NBEA: variants seen among roughly 807,000 people sequenced by gnomAD.
NBEA encodes the protein lysosomal-trafficking regulator 2.
A neutral mutation model predicts 343.4 loss-of-function variants in NBEA; 44 were observed. The observed-to-expected ratio is 0.13, with a 90% CI of 0.10 to 0.16. The LOEUF is 0.16. Ranked by LOEUF, NBEA falls within the 10% of genes least tolerant of loss-of-function variation. The pLI is 1.00. For synonymous variants in NBEA, 1,175 were observed against 1,238.7 expected (o/e 0.95, Z 1.08); for missense variants, 2,555 against 3,631.3 (o/e 0.70, Z 7.62).
intron 40 of NBEA, among the ~76,000 whole-genome samples, chr13:35,463,421 G>A (rs1027630084): frequency 3.0e-4 from 46 of 152,044 alleles, no homozygotes; most frequent in African/African-American, 1.0e-3. Context: ...TCAGGAGTTC[G>A]AGATCAGCCT....
intron 38 of NBEA, among the ~76,000 whole-genome samples, chr13:35,401,580 A>T (rs2043004158): frequency 7.9e-5 from 12 of 152,036 alleles, no homozygotes; most frequent in Admixed American, 7.9e-4. Flanking sequence ...AACATTTGTT[A>T]CACCCTCTGT....
intron 41 of NBEA, among the ~76,000 whole-genome samples, chr13:35,509,302 G>A (rs1455456847): frequency 6.6e-6 from 1 of 152,138 alleles, no homozygotes; most frequent in East Asian, 1.9e-4. Flanking sequence ...TATAGATCCT[G>A]GGCAGGGAAG....
intron 10 of NBEA, among the ~76,000 whole-genome samples, chr13:35,076,188 C>T (rs946478774): frequency 5.3e-5 from 8 of 151,584 alleles, no homozygotes; most frequent in East Asian, 1.9e-4. Flanking sequence ...TTAGGTTTTT[C>T]GGAAAGAATA....
At chr13:35,534,221 A>G (rs1244447123) in intron 41 of NBEA, among the ~76,000 whole-genome samples, 1 of 152,158 alleles carries the variant, frequency 6.6e-6, no homozygotes, top group Non-Finnish European at 1.5e-5. Flanking sequence ...TAGCCACTGG[A>G]GCCAGAAACC....
intron 2 of NBEA, among the ~76,000 whole-genome samples, chr13:35,042,808 G>T (rs2062703836): frequency 1.3e-5 from 2 of 151,710 alleles, no homozygotes; most frequent in Admixed American, 1.3e-4. Context: ...TTTTAATAGA[G>T]AAATTAAACT....
At chr13:35,545,478 TAATCACATGTATCTGA>T (rs2079023343) in intron 41 of NBEA, among the ~76,000 whole-genome samples, 2 of 152,340 alleles carry the variant, frequency 1.3e-5, no homozygotes, top group South Asian at 4.1e-4. Flanking sequence ...GAAGCCACAG[TAATCACATGTATCTGA>T]GTACCAGTGT....
chr13:35,065,133 C>T (rs1282346216), intron 8 of NBEA, among the ~76,000 whole-genome samples: 3 of 151,494 alleles, frequency 2.0e-5, no homozygotes, highest in Non-Finnish European at 2.9e-5. Flanking sequence ...TAGTAGATTC[C>T]TCAGGAAGAG....
chr13:35,336,567 T>G (rs538064980), intron 36 of NBEA, among the ~76,000 whole-genome samples: 9 of 144,038 alleles, frequency 6.2e-5, no homozygotes, highest in Non-Finnish European at 1.2e-4. Flanking sequence ...TTAAGACACA[T>G]GCATGCAAAT....
intron 36 of NBEA, among the ~76,000 whole-genome samples, chr13:35,330,023 T>C (rs1322573032): frequency 6.6e-6 from 1 of 152,014 alleles, no homozygotes; most frequent in Non-Finnish European, 1.5e-5. Flanking sequence ...TATTGTTCAG[T>C]AGATGAATGC....
intron 1 of NBEA, among the ~76,000 whole-genome samples, chr13:34,955,239 G>C (rs2059456539): frequency 6.6e-6 from 1 of 151,686 alleles, no homozygotes; most frequent in East Asian, 1.9e-4. Flanking sequence ...AGCAGGCTCA[G>C]AATACTTAAA....
In NBEA at chr13:34,990,745, C is replaced by T. The variant is rs149138014; in HGVS notation, c.294+47631C>T. Among the ~76,000 whole-genome samples, 4 of 152,322 alleles carry T rather than the reference C, an allele frequency of 2.6e-5. No homozygotes were observed. The East Asian group carries it at 7.7e-4, about 29-fold the overall frequency. ...CCCAGAAAATGGGCTTTTCTTTTCTCCCTCATGGTCAGGCTGCAAATTTTC... is the reference window on the plus strand; with the variant it reads ...CCCAGAAAATGGGCTTTTCTTTTCTTCCTCATGGTCAGGCTGCAAATTTTC... On this transcript the variant is annotated intron_variant, in intron 1 of 58. Coordinates refer to ENST00000379939, the MANE Select transcript of NBEA (RefSeq NM_001385012.1).
At chr13:35,125,132 T>C (rs1433520385) in intron 17 of NBEA, among the ~76,000 whole-genome samples, 1 of 152,184 alleles carries the variant, frequency 6.6e-6, no homozygotes, top group Non-Finnish European at 1.5e-5. Flanking sequence ...CCCTTTTTCC[T>C]GTAAAATGTA....
chr13:35,088,536 G>A (rs912342656), intron 10 of NBEA, among the ~76,000 whole-genome samples: 3 of 151,874 alleles, frequency 2.0e-5, no homozygotes, highest in African/African-American at 7.2e-5. Flanking sequence ...GTAGAACTTA[G>A]TAAAAATTTG....
chr13:35,306,086 A>G (rs1453469049), intron 35 of NBEA, among the ~76,000 whole-genome samples: 1 of 152,190 alleles, frequency 6.6e-6, no homozygotes, highest in Non-Finnish European at 1.5e-5. Flanking sequence ...AGAAAGCAGG[A>G]TAGACAGAAG....
intron 41 of NBEA, among the ~76,000 whole-genome samples, chr13:35,546,556 T>C (rs1013697064): frequency 2.3e-5 from 3 of 131,860 alleles, no homozygotes; most frequent in Non-Finnish European, 4.6e-5. Context: ...TTATTATTAA[T>C]TTTTTTTTTT....
chr13:35,599,178 C>A (rs975615834), intron 47 of NBEA, among the ~76,000 whole-genome samples: 1 of 152,170 alleles, frequency 6.6e-6, no homozygotes, highest in Non-Finnish European at 1.5e-5. Flanking sequence ...CCAGGCTCCT[C>A]ACCACCCCTC....
At chr13:35,234,373 G>C (rs2075125111) in intron 34 of NBEA, among the ~76,000 whole-genome samples, 1 of 152,132 alleles carries the variant, frequency 6.6e-6, no homozygotes, top group African/African-American at 2.4e-5. Flanking sequence ...CGCAGATTGT[G>C]TGTGTAATTT....
At chr13:34,971,140 G>T (rs756380371) in intron 1 of NBEA, among the ~76,000 whole-genome samples, 9 of 151,948 alleles carry the variant, frequency 5.9e-5, no homozygotes, top group Non-Finnish European at 8.8e-5. Flanking sequence ...TGTGGCAATT[G>T]TGAGTGGGAG....
chr13:35,074,910 G>A (rs1374426879), intron 10 of NBEA, among the ~76,000 whole-genome samples: 6 of 151,946 alleles, frequency 3.9e-5, no homozygotes, highest in Admixed American at 1.3e-4. Context: ...AGATGTACTC[G>A]TTCAACCTAC....
Sources: allele counts gnomAD v4.1 joint callset (sites outside exome capture counted in the v4.1 genomes callset), GRCh38; gene constraint gnomAD v4.1.1; transcripts MANE v1.5; gene names NCBI Gene and HGNC (gene_info 2026-07-23, HGNC 2026-07-21).